The following ARB2A variants were observed in gnomAD, a reference collection of about 807,000 sequenced individuals.
ARB2A encodes the protein cotranscriptional regulator ARB2A.
chr5:93,856,365 C>A, the ARB2A span, among the ~76,000 whole-genome samples: 1 of 152,170 alleles, frequency 6.6e-6, no homozygotes, highest in African/African-American at 2.4e-5. Context: ...TGGATAATAT[C>A]CTGCAGAGTG....
the ARB2A span, among the ~76,000 whole-genome samples, chr5:93,846,358 C>T: frequency 6.6e-6 from 1 of 151,444 alleles, no homozygotes; most frequent in African/African-American, 2.4e-5. Flanking sequence ...AAAAATTAGC[C>T]AGGTGTAGTG....
At chr5:93,840,901 T>C in the ARB2A span, among the ~76,000 whole-genome samples, 3 of 152,172 alleles carry the variant, frequency 2.0e-5, no homozygotes, top group African/African-American at 7.2e-5. Flanking sequence ...AACAAGTAAT[T>C]ATGGCCCATT....
At chr5:94,103,483 C>T in the ARB2A span, among the ~76,000 whole-genome samples, 1 of 151,964 alleles carries the variant, frequency 6.6e-6, no homozygotes, top group South Asian at 2.1e-4. Context: ...CCTAAATATA[C>T]ATGCATCCAA....
At chr5:93,706,760 G>A in the ARB2A span, among the ~76,000 whole-genome samples, 1 of 151,986 alleles carries the variant, frequency 6.6e-6, no homozygotes, top group Non-Finnish European at 1.5e-5. Flanking sequence ...CAGCTACTCG[G>A]GAGGCTGAGG....
the ARB2A span, among the ~76,000 whole-genome samples, chr5:93,674,656 T>C: frequency 8.5e-5 from 13 of 152,240 alleles, no homozygotes; most frequent in East Asian, 2.5e-3. Context: ...TGCACATGGT[T>C]TATTGGGGGT....
At chr5:93,747,513 T>C in the ARB2A span, among the ~76,000 whole-genome samples, 1 of 152,160 alleles carries the variant, frequency 6.6e-6, no homozygotes, top group Non-Finnish European at 1.5e-5. Flanking sequence ...CCTAAATATA[T>C]AGATTAAAAA....
At chr5:94,038,959 T>C in the ARB2A span, among the ~76,000 whole-genome samples, 2 of 152,176 alleles carry the variant, frequency 1.3e-5, no homozygotes, top group East Asian at 3.9e-4. Flanking sequence ...ATCCTCTGTA[T>C]ACTCTCCTAT....
chr5:93,767,813 C>T, the ARB2A span, among the ~76,000 whole-genome samples: 14 of 151,372 alleles, frequency 9.2e-5, no homozygotes, highest in South Asian at 2.7e-3. Context: ...GCTAACACGG[C>T]AAAACCCCGT....
the ARB2A span, among the ~76,000 whole-genome samples, chr5:94,020,414 T>G: frequency 6.6e-6 from 1 of 151,946 alleles, no homozygotes; most frequent in Non-Finnish European, 1.5e-5. Flanking sequence ...TGCCAGAACT[T>G]AAAGTATAAT....
At chr5:93,801,680 T>C in the ARB2A span, among the ~76,000 whole-genome samples, 7 of 152,136 alleles carry the variant, frequency 4.6e-5, no homozygotes, top group African/African-American at 1.7e-4. Context: ...GCACACACAC[T>C]GTACACAGAC....
At chr5:93,906,074 A>G in the ARB2A span, among the ~76,000 whole-genome samples, 1 of 151,558 alleles carries the variant, frequency 6.6e-6, no homozygotes, top group East Asian at 1.9e-4. Context: ...TATAAAGATA[A>G]TCAACCAACG....
the ARB2A span, chr5:93,776,137 A>G: frequency 3.8e-6 from 6 of 1,567,610 alleles, no homozygotes; most frequent in African/African-American, 5.5e-5. Flanking sequence ...CAGCAATCAT[A>G]TATCTCTCAT....
the ARB2A span, chr5:93,866,018 A>T: frequency 1.0e-5 from 10 of 985,032 alleles, no homozygotes; most frequent in African/African-American, 1.7e-5. Context: ...TATAATTAAG[A>T]GAAAAAACGT....
chr5:93,830,311 G>GTGTGTGTGTGTA, the ARB2A span, among the ~76,000 whole-genome samples: 1 of 82,260 alleles, frequency 1.2e-5, no homozygotes, highest in African/African-American at 5.2e-5. Flanking sequence ...GTGTGTGTGT[G>GTGTGTGTGTGTA]TATATATATA....
the ARB2A span, among the ~76,000 whole-genome samples, chr5:94,087,033 G>A: frequency 3.3e-5 from 5 of 152,122 alleles, no homozygotes; most frequent in African/African-American, 7.2e-5. Flanking sequence ...ATCTTCCAGC[G>A]GGACAAGATG....
At chr5:93,915,484 T>TATA in the ARB2A span, among the ~76,000 whole-genome samples, 2 of 151,792 alleles carry the variant, frequency 1.3e-5, no homozygotes, top group Admixed American at 1.3e-4. Context: ...ATAATTCATC[T>TATA]ATTCATGATC....
the ARB2A span, among the ~76,000 whole-genome samples, chr5:94,049,165 G>T: frequency 6.6e-6 from 1 of 152,072 alleles, no homozygotes; most frequent in African/African-American, 2.4e-5. Context: ...ATATGACACA[G>T]AATGACTAAA....
chr5:93,852,754 C>T, the ARB2A span, among the ~76,000 whole-genome samples: 1 of 152,064 alleles, frequency 6.6e-6, no homozygotes, highest in Non-Finnish European at 1.5e-5. Context: ...TGTCAAAGAT[C>T]AGATAGTTGT....
At chr5:94,096,455 T>C in the ARB2A span, among the ~76,000 whole-genome samples, 1 of 152,166 alleles carries the variant, frequency 6.6e-6, no homozygotes, top group East Asian at 1.9e-4. Context: ...TTACATATGA[T>C]GGCAATAAGA....
Sources: gnomAD v4.1 joint callset for allele counts (sites outside exome capture counted in the v4.1 genomes callset) on GRCh38, gnomAD v4.1.1 for gene constraint, MANE v1.5 for transcripts, NCBI Gene and HGNC (gene_info 2026-07-23, HGNC 2026-07-21) for gene names.